FAN1: variants seen among roughly 807,000 people sequenced by gnomAD.
FAN1 encodes the protein fanconi-associated nuclease 1.
In FAN1, 91 loss-of-function variants were observed where a neutral mutation model predicts 104.9. That is an observed-to-expected ratio of 0.87 (90% CI 0.73 to 1.03). The LOEUF (loss-of-function observed/expected upper bound fraction) is 1.03. Among genes scored for constraint, FAN1 ranks in the 50% least tolerant of loss-of-function variants. The pLI, the probability that FAN1 is intolerant of heterozygous loss-of-function variation, is 0.00. For synonymous variants in FAN1, 478 were observed against 457.6 expected, an observed-to-expected ratio of 1.04 and a Z score of -0.57; for missense variants, 1,263 against 1,239.9, an observed-to-expected ratio of 1.02 and a Z score of -0.28.
At chr15:30,938,962 T>C in intron 14 of FAN1, 1 of 985,430 alleles carries the variant, frequency 1.0e-6, no homozygotes, top group Non-Finnish European at 1.2e-6. Flanking sequence ...TGGAATTTTA[T>C]TAAGCCATCA....
In FAN1 at chr15:30,941,844, T is replaced by G. The variant is rs1566942979; in HGVS notation, c.*282T>G. ...AAGTAGCACAGTTTCCACAGTTTTA[T>G]GTGTGTTCCAGAGACACGTGGCAGA... On this transcript the variant is annotated 3_prime_UTR_variant, in exon 15 of 15. Transcript: ENST00000362065. 1.2e-6 allele frequency: 2 copies of G among 1,614,048 alleles called. No individual in the cohort carries two copies. Among genetic ancestry groups the G allele is most frequent in the South Asian group, 2.2e-5 (2 of 91,082 alleles).
At chr15:30,924,339 G>A (rs2062406967) in intron 8 of FAN1, among the ~76,000 whole-genome samples, 1 of 152,142 alleles carries the variant, frequency 6.6e-6, no homozygotes, top group Admixed American at 6.5e-5. Context: ...CAATTCTTTT[G>A]GGAATACCTG....
chr15:30,910,512 A>G (rs564265440), intron 3 of FAN1, 102 bp from the exon 4 acceptor site: 5 of 674,674 alleles, frequency 7.4e-6, no homozygotes, highest in Admixed American at 3.1e-5. Context: ...CCAACTAATT[A>G]AAATTTTCTT....
chr15:30,907,578 A>C (rs2062011570), intron 2 of FAN1, among the ~76,000 whole-genome samples: 1 of 152,164 alleles, frequency 6.6e-6, no homozygotes, highest in Non-Finnish European at 1.5e-5. Context: ...ACCAGCATGA[A>C]CCATCATGAC....
chr15:30,939,599 A>C, intron 14 of FAN1: 1 of 927,620 alleles, frequency 1.1e-6, no homozygotes, highest in Non-Finnish European at 1.3e-6. Context: ...AACCATTATT[A>C]ATAGTACCTA....
At chr15:30,929,819 T>TCATATATAATATAATATATAAAATA (rs1263768371) in intron 12 of FAN1, among the ~76,000 whole-genome samples, 2 of 44,382 alleles carry the variant, frequency 4.5e-5, no homozygotes, top group Non-Finnish European at 6.6e-5. Flanking sequence ...ATATAATATA[T>TCATATATAATATAATATATAAAATA]TATATCATAT....
intron 2 of FAN1, chr15:30,906,225 A>T: frequency 4.5e-6 from 2 of 444,810 alleles, no homozygotes; most frequent in African/African-American, 2.0e-5. Flanking sequence ...TGACTTAGAA[A>T]AGCATACTTT....
rs561138441 is a variant in FAN1, at chr15:30,927,367, C to T, written c.2489-1186C>T. The T allele has an allele frequency of 1.8e-5, 18 of 985,524 alleles. No homozygotes were observed. The African/African-American group carries it at 3.1e-4, about 17-fold the overall frequency. The allele number at this position is 985,524 out of a possible 1,614,324, so 61.0% of individuals were successfully genotyped here. ...AAGTGTTCTAGGAAGAAAAGTCCTC[C>T]TGGAAGACTTGGCAACAGCCAGGAG... is the stretch of plus-strand genomic sequence containing the variant. On this transcript the variant is annotated intron_variant, in intron 10 of 14. Transcript: ENST00000362065.
At chr15:30,911,541 C>T (rs1232026761) in intron 4 of FAN1, 1 of 978,838 alleles carries the variant, frequency 1.0e-6, no homozygotes, top group African/African-American at 1.8e-5. Context: ...ATAAGGCAGA[C>T]ATTAAGAAAA....
At chr15:30,939,167 T>C (rs2062954456) in intron 14 of FAN1, 7 of 985,410 alleles carry the variant, frequency 7.1e-6, no homozygotes, top group Non-Finnish European at 8.4e-6. Flanking sequence ...CCTCTGTTAG[T>C]ACAAATTAAT....
chr15:30,913,868 T>TTGGC lies in FAN1; in HGVS notation c.1592_1595dup (p.Gln533TrpfsTer8). On this transcript the variant is annotated frameshift_variant, in exon 5 of 15. Coordinates refer to ENST00000362065, the MANE Select transcript of FAN1 (RefSeq NM_014967.5). LOFTEE classifies it high-confidence loss of function. ...TTGTACATTTTTCAGAGCCAAAGCC[T>TTGGC]TGGCTGGACAGTCAGTACGAATCTG... 6.2e-7 allele frequency: 1 copy of TTGGC among 1,608,834 alleles called. No homozygotes were observed. Among genetic ancestry groups the TTGGC allele is most frequent in the Non-Finnish European group, 8.5e-7 (1 of 1,177,402 alleles).
At chr15:30,921,508 C>A (rs1454420784) in intron 7 of FAN1, among the ~76,000 whole-genome samples, 1 of 151,910 alleles carries the variant, frequency 6.6e-6, no homozygotes, top group African/African-American at 2.4e-5. Context: ...CAGGCATGGT[C>A]AAAAATATAT....
intron 4 of FAN1, 115 bp downstream of exon 4, chr15:30,910,930 T>C (rs1234889406): frequency 7.1e-7 from 1 of 1,399,598 alleles, no homozygotes. Flanking sequence ...TGTAGTTAGA[T>C]TGAGAAGGCT....
In FAN1 at chr15:30,920,589, G is replaced by T. The variant is rs907850473; in HGVS notation, c.1988G>T (p.Gly663Val). Residue 663 changes from glycine (G) to valine (V), a missense_variant, in exon 7 of 15, where the codon GGG (glycine) becomes GTG (valine). This residue lies in a region of FAN1 where 581 missense variants were observed against 668.8 expected (regional missense o/e 0.87). Coordinates refer to ENST00000362065, the MANE Select transcript of FAN1 (RefSeq NM_014967.5). ...LPLFLRCFTV[G>V]WIYTRILSRF... Reference sequence around the variant, plus strand: ...CTCTTCCTGCGGTGTTTCACTGTTGGGTGGATTTATACAAGGATTTTGTCT... The same window carrying T: ...CTCTTCCTGCGGTGTTTCACTGTTGTGTGGATTTATACAAGGATTTTGTCT... The T allele has an allele frequency of 2.0e-5, 32 of 1,611,438 alleles. No individual in the cohort carries two copies. Among genetic ancestry groups the T allele is most frequent in the Non-Finnish European group, 2.5e-5 (29 of 1,178,994 alleles).
At chr15:30,919,676 G>A (rs1344947133) in intron 6 of FAN1, among the ~76,000 whole-genome samples, 2 of 146,186 alleles carry the variant, frequency 1.4e-5, no homozygotes, top group African/African-American at 2.6e-5. Context: ...GTGACAGAGC[G>A]AGACTCTGTC....
At chr15:30,933,198 T>C (rs2062760571) in intron 13 of FAN1, among the ~76,000 whole-genome samples, 1 of 152,214 alleles carries the variant, frequency 6.6e-6, no homozygotes, top group South Asian at 2.1e-4. Context: ...TTTTATTTCC[T>C]AGTTTCTCAA....
At position 30,942,049 on chromosome 15, in the gene FAN1, TCTTAGTGTG is replaced by T; in HGVS notation, c.*488_*496del. 6.2e-7 allele frequency: 1 copy of T among 1,613,930 alleles called. No individual in the cohort carries two copies. ...CATTCTTTAAGGCAGACGGCATTCCTCTTAGTGTGGAGCTGTAGCTTTTCTATACAGAAG... is the reference window on the plus strand; with the variant it reads ...CATTCTTTAAGGCAGACGGCATTCCTGAGCTGTAGCTTTTCTATACAGAAG... On this transcript the variant is annotated 3_prime_UTR_variant, in exon 15 of 15. Transcript: ENST00000362065.
At chr15:30,918,486 T>G (rs1407170317) in intron 6 of FAN1, among the ~76,000 whole-genome samples, 191 bp downstream of exon 6, 3 of 152,232 alleles carry the variant, frequency 2.0e-5, no homozygotes, top group Non-Finnish European at 4.4e-5. Flanking sequence ...TCTGAAGGTT[T>G]AAAGTGAATT....
Position 30,928,553 on chromosome 15 carries a change from G to A in FAN1, c.2489G>A (p.Gly830Glu), listed in dbSNP as rs1392049469. The change falls in exon 11 of 15, where the codon GGG becomes GAG. Residue 830 changes from glycine to glutamate, a missense_variant and splice_region_variant. Gly to Glu is a moderately conservative substitution (Grantham distance 98). Around this residue, in one of 2 missense-constraint regions of FAN1, gnomAD observed 581 missense variants for 668.8 expected, o/e 0.87. Transcript: ENST00000362065. ...GTGTGTGTGTGTGACCTTGTCTTAG[G>A]GATTCATGGCGAAGGGTCCACCTTC... ...AHYRRSGFDQ[G>E]IHGEGSTFST... 2.0e-6 allele frequency: 3 copies of A among 1,498,146 alleles called. No individual in the cohort carries two copies. The highest frequency in any genetic ancestry group is 2.7e-6 in the Non-Finnish European group (3 of 1,097,052). The allele number at this position is 1,498,146 out of a possible 1,614,324, so 92.8% of individuals were successfully genotyped here.
Sources: allele counts gnomAD v4.1 joint callset (sites outside exome capture counted in the v4.1 genomes callset), GRCh38; gene constraint gnomAD v4.1.1; regional missense constraint gnomAD v4.1.1; transcripts MANE v1.5; gene names NCBI Gene and HGNC (gene_info 2026-07-23, HGNC 2026-07-21).